The following MICAL2 variants were observed in gnomAD, a reference collection of about 807,000 sequenced individuals.
MICAL2 encodes the protein microtubule associated monooxygenase, calponin and LIM domain containing 2.
Under a neutral mutation model 127.3 loss-of-function variants are expected in MICAL2, and 77 were observed. That is an observed-to-expected ratio of 0.60 (90% confidence interval 0.50 to 0.73). The LOEUF (loss-of-function observed/expected upper bound fraction) is 0.73, where lower values mean the gene tolerates loss of function less well. Ranked by LOEUF, MICAL2 falls within the 30% of genes least tolerant of loss-of-function variation. The pLI is 0.00. For missense variants in MICAL2, 1,351 were observed against 1,434.4 expected, an observed-to-expected ratio of 0.94 and a Z score of 0.94; for synonymous variants, 570 against 551.1, an observed-to-expected ratio of 1.03 and a Z score of -0.48.
chr11:12,179,891 C>T (rs1857236283), intron 3 of MICAL2, among the ~76,000 whole-genome samples: 1 of 152,232 alleles, frequency 6.6e-6, no homozygotes, highest in African/African-American at 2.4e-5. Context: ...CAGCTGTTCC[C>T]ATCCTTTACC....
chr11:12,213,768 G>T (rs10831766), intron 7 of MICAL2, among the ~76,000 whole-genome samples: 1 of 151,450 alleles, frequency 6.6e-6, no homozygotes, highest in East Asian at 1.9e-4. Context: ...AAGGCAGGTG[G>T]CCAGCACCGC....
At chr11:12,113,365 G>A (rs78348403) in intron 1 of MICAL2, among the ~76,000 whole-genome samples, 5,454 of 152,274 alleles carry the variant, frequency 0.036, 138 homozygotes, top group Non-Finnish European at 0.058. Context: ...GGGCAACGTA[G>A]CAAGACTGCT....
At chr11:12,345,572 G>A (rs1938941798) in intron 32 of MICAL2, among the ~76,000 whole-genome samples, 1 of 152,194 alleles carries the variant, frequency 6.6e-6, no homozygotes, top group Non-Finnish European at 1.5e-5. Flanking sequence ...ATATTCAAAA[G>A]ATGTCTCCAT....
intron 2 of MICAL2, among the ~76,000 whole-genome samples, chr11:12,158,341 A>G (rs1468506298): frequency 6.6e-6 from 1 of 152,142 alleles, no homozygotes; most frequent in African/African-American, 2.4e-5. Context: ...TTTTGATATG[A>G]TGATGTTTGG....
intron 1 of MICAL2, among the ~76,000 whole-genome samples, chr11:12,118,659 A>G (rs1317373550): frequency 6.6e-6 from 1 of 152,236 alleles, no homozygotes; most frequent in East Asian, 1.9e-4. Flanking sequence ...GATGCAGGTG[A>G]CATAGGCAAA....
intron 13 of MICAL2, chr11:12,225,832 G>T: frequency 3.3e-6 from 1 of 302,930 alleles, no homozygotes; most frequent in South Asian, 3.8e-5. Flanking sequence ...TTTACAAGAT[G>T]CCCATTTTAC....
intron 2 of MICAL2, among the ~76,000 whole-genome samples, chr11:12,147,844 T>G (rs1164905313): frequency 1.3e-5 from 2 of 152,238 alleles, no homozygotes; most frequent in Non-Finnish European, 2.9e-5. Flanking sequence ...GTTAAAAACA[T>G]CTTTTCCTCT....
chr11:12,160,420 A>C (rs1590123423), intron 2 of MICAL2, among the ~76,000 whole-genome samples: 1 of 151,046 alleles, frequency 6.6e-6, no homozygotes. Context: ...GCTCCTCACC[A>C]CCCACTGGAG....
chr11:12,319,268 C>T (rs1467850047), intron 29 of MICAL2, among the ~76,000 whole-genome samples: 1 of 152,056 alleles, frequency 6.6e-6, no homozygotes, highest in East Asian at 1.9e-4. Context: ...GAGCTGGCTC[C>T]AACTTTTTTG....
chr11:12,222,632 G>A lies in MICAL2; in HGVS notation c.1338G>A (p.Arg446=), dbSNP rs781161866. ...ELLAERESLY[R]LLPQTTPENI... ...CTCCCTCCAGGGAAAGTCTCTACCG[G>A]CTGTTACCTCAGACAACCCCGGAGA... Residue 446 remains arginine (R), a synonymous_variant, in exon 11 of 28, where the codon CGG becomes CGA. Transcript: ENST00000683283. 3.7e-6 allele frequency: 6 copies of A among 1,614,210 alleles called. No homozygotes were observed. The highest frequency in any genetic ancestry group is 1.7e-4 in the Middle Eastern group (1 of 6,060).
intron 30 of MICAL2, chr11:12,323,962 C>A (rs1195863395): frequency 1.3e-6 from 2 of 1,589,454 alleles, no homozygotes; most frequent in Non-Finnish European, 1.7e-6. Flanking sequence ...ATTTTTTTCT[C>A]CATTGGTTTT....
chr11:12,302,862 A>C (rs7102962), intron 29 of MICAL2, among the ~76,000 whole-genome samples: 5,633 of 152,268 alleles, frequency 0.037, 367 homozygotes, highest in African/African-American at 0.13. Context: ...CAAATTTATC[A>C]ATACTTTCTG....
chr11:12,275,459 C>T (rs1261571389), upstream of MICAL2, among the ~76,000 whole-genome samples: 1 of 152,024 alleles, frequency 6.6e-6, no homozygotes, highest in Non-Finnish European at 1.5e-5. Flanking sequence ...TTCAGTGTTA[C>T]AAGGTCAAGG....
intron 3 of MICAL2, among the ~76,000 whole-genome samples, chr11:12,189,749 C>T (rs1020256594): frequency 1.3e-5 from 2 of 152,188 alleles, no homozygotes; most frequent in Non-Finnish European, 2.9e-5. Flanking sequence ...CTATGGCTCA[C>T]GTTCTGCAAG....
chr11:12,225,143 A>G (rs372233621), intron 13 of MICAL2, among the ~76,000 whole-genome samples: 22 of 150,584 alleles, frequency 1.5e-4, no homozygotes, highest in African/African-American at 5.1e-4. Flanking sequence ...TTCACCCTCA[A>G]GAGAGGAGTA....
intron 3 of MICAL2, among the ~76,000 whole-genome samples, chr11:12,185,710 G>A (rs780116894): frequency 4.6e-5 from 7 of 152,066 alleles, no homozygotes; most frequent in Non-Finnish European, 8.8e-5. Context: ...ACGGTACTCC[G>A]CACTGCTCAG....
chr11:12,312,905 GCC>G (rs1255671785), intron 29 of MICAL2, among the ~76,000 whole-genome samples: 1 of 152,008 alleles, frequency 6.6e-6, no homozygotes, highest in East Asian at 1.9e-4. Context: ...TGTGGCTCAC[GCC>G]TGTAATCTCA....
At chr11:12,303,408 A>C (rs1305075462) in intron 29 of MICAL2, 2 of 152,192 alleles carry the variant, frequency 1.3e-5, no homozygotes, top group African/African-American at 2.4e-5. Flanking sequence ...TTAAAATTTT[A>C]ATTAATTTAA....
chr11:12,229,554 C>T (rs1292083621), intron 15 of MICAL2, among the ~76,000 whole-genome samples: 1 of 152,256 alleles, frequency 6.6e-6, no homozygotes, highest in Non-Finnish European at 1.5e-5. Flanking sequence ...TTTCTCCATT[C>T]ACCGCGTTTC....
Sources: allele counts gnomAD v4.1 joint callset (sites outside exome capture counted in the v4.1 genomes callset), GRCh38; gene constraint gnomAD v4.1.1; transcripts MANE v1.5; gene names NCBI Gene and HGNC (gene_info 2026-07-23, HGNC 2026-07-21).